Variants in ZEB1 observed in about 807,000 individuals in gnomAD.
ZEB1 encodes the protein zinc finger E-box-binding homeobox 1.
A neutral mutation model predicts 84.9 loss-of-function variants in ZEB1; 21 were observed. The ratio of observed to expected loss-of-function variants is 0.25; its 90% confidence interval spans 0.18 to 0.36. ZEB1 has a LOEUF of 0.36. ZEB1 is among the 10% of genes least tolerant of loss of function. The probability of loss-of-function intolerance (pLI) is 1.00; values close to 1 mark genes in which losing one functional copy is unlikely to be tolerated. For synonymous variants in ZEB1, 420 were observed against 471.1 expected, an observed-to-expected ratio of 0.89 and a Z score of 1.41; for missense variants, 1,104 against 1,330.2, an observed-to-expected ratio of 0.83 and a Z score of 2.65.
chr10:31,476,078 A>G (rs1164160145), intron 2 of ZEB1, among the ~76,000 whole-genome samples: 1 of 152,078 alleles, frequency 6.6e-6, no homozygotes. Context: ...GACTCAAAGT[A>G]AAGGGACTAG....
intron 1 of ZEB1, among the ~76,000 whole-genome samples, chr10:31,399,788 G>T (rs1406502006): frequency 6.6e-6 from 1 of 152,170 alleles, no homozygotes; most frequent in Non-Finnish European, 1.5e-5. Flanking sequence ...ACCAGGCTCT[G>T]TGCTCTGGGC....
chr10:31,518,885 T>A (rs1010639527), intron 6 of ZEB1, among the ~76,000 whole-genome samples: 1 of 152,184 alleles, frequency 6.6e-6, no homozygotes, highest in Non-Finnish European at 1.5e-5. Context: ...ATTCTTCAAA[T>A]AATCATATTT....
intron 1 of ZEB1, among the ~76,000 whole-genome samples, chr10:31,347,689 A>G (rs577554701): frequency 3.5e-4 from 53 of 152,300 alleles, no homozygotes; most frequent in Non-Finnish European, 6.3e-4. Context: ...GTCTCCCCTT[A>G]TTATTGGACA....
chr10:31,415,780 T>C (rs910540243), intron 1 of ZEB1, among the ~76,000 whole-genome samples: 1 of 152,094 alleles, frequency 6.6e-6, no homozygotes, highest in African/African-American at 2.4e-5. Flanking sequence ...AACACTAATA[T>C]TGATTGGTTA....
At chr10:31,334,352 T>C (rs2037530839) in intron 1 of ZEB1, among the ~76,000 whole-genome samples, 2 of 152,110 alleles carry the variant, frequency 1.3e-5, no homozygotes, top group African/African-American at 4.8e-5. Context: ...AAATTTTGTG[T>C]GTGTGTGTTT....
intron 1 of ZEB1, among the ~76,000 whole-genome samples, chr10:31,382,778 A>T (rs74127722): frequency 0.024 from 3,627 of 152,228 alleles, 141 homozygotes; most frequent in African/African-American, 0.083. Flanking sequence ...ATTATAAGGA[A>T]AGTGATAATA....
At chr10:31,361,597 G>A (rs535531301) in intron 1 of ZEB1, among the ~76,000 whole-genome samples, 10 of 151,380 alleles carry the variant, frequency 6.6e-5, no homozygotes, top group South Asian at 6.3e-4. Context: ...CTTCCCAGAC[G>A]GTGCAGGGGC....
intron 1 of ZEB1, among the ~76,000 whole-genome samples, chr10:31,393,811 C>CT (rs1027684289): frequency 2.0e-5 from 3 of 152,134 alleles, no homozygotes; most frequent in Middle Eastern, 3.2e-3. Flanking sequence ...TGGCTTATAT[C>CT]TTTTTGTGTA....
At chr10:31,479,103 T>A (rs998326106) in intron 2 of ZEB1, among the ~76,000 whole-genome samples, 2 of 151,832 alleles carry the variant, frequency 1.3e-5, no homozygotes, top group Non-Finnish European at 2.9e-5. Context: ...GATAGGAGAC[T>A]GTTATGAACA....
intron 1 of ZEB1, chr10:31,319,565 C>T (rs2033148114): frequency 2.3e-6 from 1 of 432,956 alleles, no homozygotes; most frequent in Non-Finnish European, 4.0e-6. Flanking sequence ...CCTCCCTGGA[C>T]CGTTAGCCGG....
intron 1 of ZEB1, chr10:31,321,968 T>C: frequency 4.5e-6 from 1 of 222,280 alleles, no homozygotes; most frequent in South Asian, 7.0e-5. Flanking sequence ...GTGTTTTTCC[T>C]TTGTGTTTAA....
intron 2 of ZEB1, among the ~76,000 whole-genome samples, chr10:31,483,194 T>C (rs188755535): frequency 1.7e-4 from 26 of 152,054 alleles, no homozygotes; most frequent in Non-Finnish European, 2.9e-4. Flanking sequence ...ATATATTGGG[T>C]AAGAAAAATA....
intron 2 of ZEB1, among the ~76,000 whole-genome samples, chr10:31,490,269 G>GT (rs1041221948): frequency 4.6e-5 from 7 of 151,126 alleles, no homozygotes; most frequent in African/African-American, 1.5e-4. Context: ...ACATTATTCA[G>GT]TTTTTTTTCT....
At chr10:31,506,749 C>T (rs769697102) in intron 4 of ZEB1, among the ~76,000 whole-genome samples, 4 of 151,946 alleles carry the variant, frequency 2.6e-5, no homozygotes, top group Admixed American at 6.5e-5. Context: ...AAGTTTAATC[C>T]GTTTATGTTA....
intron 1 of ZEB1, among the ~76,000 whole-genome samples, chr10:31,447,013 G>T (rs985059466): frequency 6.6e-6 from 1 of 150,912 alleles, no homozygotes; most frequent in Admixed American, 6.6e-5. Flanking sequence ...TGACAGTGGG[G>T]TGTTAAAGTC....
At chr10:31,484,462 T>C (rs1027000808) in intron 2 of ZEB1, among the ~76,000 whole-genome samples, 2 of 152,024 alleles carry the variant, frequency 1.3e-5, no homozygotes, top group African/African-American at 4.8e-5. Flanking sequence ...CTTAGCCCTA[T>C]TTTATGGATG....
intron 2 of ZEB1, among the ~76,000 whole-genome samples, chr10:31,482,312 C>T (rs1395745832): frequency 6.6e-6 from 1 of 151,880 alleles, no homozygotes; most frequent in Non-Finnish European, 1.5e-5. Flanking sequence ...AATCAGTGCC[C>T]AGTACGCTTC....
intron 1 of ZEB1, among the ~76,000 whole-genome samples, chr10:31,427,187 C>T (rs569284053): frequency 6.6e-6 from 1 of 152,130 alleles, no homozygotes; most frequent in East Asian, 1.9e-4. Context: ...CTAGCATTTA[C>T]TACAGCATTG....
chr10:31,513,648 G>GT (rs1271770630), intron 5 of ZEB1, among the ~76,000 whole-genome samples: 2 of 152,006 alleles, frequency 1.3e-5, no homozygotes, highest in African/African-American at 4.8e-5. Context: ...TGAAGCAGTA[G>GT]TTGAGTTAAG....
Sources: gnomAD v4.1 joint callset for allele counts (sites outside exome capture counted in the v4.1 genomes callset) on GRCh38, gnomAD v4.1.1 for gene constraint, MANE v1.5 for transcripts, NCBI Gene and HGNC (gene_info 2026-07-23, HGNC 2026-07-21) for gene names.